The following UNC5D variants were observed in gnomAD, a reference collection of about 807,000 sequenced individuals.
The protein encoded by UNC5D is netrin receptor UNC5D.
In UNC5D, 39 loss-of-function variants were observed where a neutral mutation model predicts 105.4. That is an observed-to-expected ratio of 0.37 (90% CI 0.29 to 0.48). UNC5D has a LOEUF of 0.48. Among genes scored for constraint, UNC5D ranks in the 20% least tolerant of loss-of-function variants. UNC5D has a pLI of 0.98. For synonymous variants in UNC5D, 452 were observed against 450.4 expected (o/e 1.00, Z -0.04); for missense variants, 991 against 1,202.4 (o/e 0.82, Z 2.60).
rs192798506 is a variant in UNC5D, at chr8:35,671,746, C to A, written c.571-11801C>A. On this transcript the variant is annotated intron_variant, in intron 4 of 16. Coordinates refer to ENST00000404895, the MANE Select transcript of UNC5D (RefSeq NM_080872.4). ...TTTGTGTCTGTCAGCTGAGGGGAAA[C>A]TTGGATAGAGTGTCTAGTAATCAAA... Among the ~76,000 whole-genome samples the A allele has an allele frequency of 2.6e-5, 4 of 152,058 alleles. No individual in the cohort carries two copies. In the East Asian group the frequency reaches 5.8e-4, roughly 22 times the overall value.
chr8:35,659,052 T>C (rs915620836), intron 4 of UNC5D, among the ~76,000 whole-genome samples: 1 of 152,136 alleles, frequency 6.6e-6, no homozygotes, highest in African/African-American at 2.4e-5. Context: ...GCAATGAGAA[T>C]AGGAAGTGGA....
intron 1 of UNC5D, among the ~76,000 whole-genome samples, chr8:35,315,977 AG>A (rs1488658075): frequency 1.2e-4 from 19 of 152,332 alleles, no homozygotes; most frequent in African/African-American, 3.8e-4. Context: ...AATGATTATC[AG>A]AAGGCTGACA....
chr8:35,375,172 T>C (rs1467868465), intron 1 of UNC5D, among the ~76,000 whole-genome samples: 2 of 152,208 alleles, frequency 1.3e-5, no homozygotes, highest in Non-Finnish European at 2.9e-5. Context: ...TGTAGGTTCA[T>C]TCCATCTCTG....
intron 11 of UNC5D, among the ~76,000 whole-genome samples, chr8:35,742,242 A>C (rs149770270): frequency 1.2e-3 from 185 of 149,690 alleles, no homozygotes; most frequent in Middle Eastern, 3.4e-3. Context: ...TAGGAGAGAG[A>C]TCTGACTCCA....
chr8:35,690,710 C>T (rs142844524), intron 7 of UNC5D, among the ~76,000 whole-genome samples: 622 of 152,340 alleles, frequency 4.1e-3, no homozygotes, highest in African/African-American at 0.013. Context: ...CACTCTGAGG[C>T]TCTCACTGGT....
intron 4 of UNC5D, among the ~76,000 whole-genome samples, chr8:35,628,832 GC>G (rs1412434170): frequency 1.3e-5 from 2 of 152,100 alleles, no homozygotes; most frequent in Non-Finnish European, 2.9e-5. Context: ...CAACAGTGTG[GC>G]CCCTTCTAGA....
At position 35,790,710 on chromosome 8, in the gene UNC5D, T is replaced by C; in HGVS notation, c.*147T>C. ...ATTCCCCTGTTGAAGAAACTAAATT[T>C]TATATAGGTAAAACATGTTAATAGG... On this transcript the variant is annotated 3_prime_UTR_variant, in exon 17 of 17. Coordinates refer to ENST00000404895, the MANE Select transcript of UNC5D (RefSeq NM_080872.4). 1 of 791,116 alleles carries C rather than the reference T, an allele frequency of 1.3e-6. No homozygotes were observed. The highest frequency in any genetic ancestry group is 2.0e-6 in the Non-Finnish European group (1 of 495,286). The allele number at this position is 791,116 out of a possible 1,614,324, so 49.0% of individuals were successfully genotyped here. A position where few individuals can be genotyped will look rare whatever the true frequency, so the allele number is the denominator to read the frequency against.
At chr8:35,305,451 T>C (rs147937107) in intron 1 of UNC5D, among the ~76,000 whole-genome samples, 208 of 152,176 alleles carry the variant, frequency 1.4e-3, no homozygotes, top group African/African-American at 4.9e-3. Context: ...AAATCACCCC[T>C]CTGGAGGAAG....
chr8:35,305,629 T>TTTTC (rs1808328353), intron 1 of UNC5D, among the ~76,000 whole-genome samples: 1 of 129,434 alleles, frequency 7.7e-6, no homozygotes, highest in South Asian at 2.5e-4. Flanking sequence ...TTCTTTTTCT[T>TTTTC]TCTCTCTCTC....
chr8:35,482,279 T>G (rs1281978687), intron 1 of UNC5D, among the ~76,000 whole-genome samples: 1 of 152,188 alleles, frequency 6.6e-6, no homozygotes, highest in Non-Finnish European at 1.5e-5. Flanking sequence ...ATAAAGCATT[T>G]TATGCAGTAT....
chr8:35,509,813 C>A (rs1437038289), intron 1 of UNC5D, among the ~76,000 whole-genome samples: 5 of 152,068 alleles, frequency 3.3e-5, no homozygotes, highest in Non-Finnish European at 5.9e-5. Flanking sequence ...GTCTCCACTT[C>A]AGATGCCAAC....
At chr8:35,568,365 C>A in intron 3 of UNC5D, 124 bp downstream of exon 3, 1 of 1,302,748 alleles carries the variant, frequency 7.7e-7, no homozygotes, top group Non-Finnish European at 1.0e-6. Flanking sequence ...TAAATTTACT[C>A]TTCTAAAATG....
chr8:35,723,538 G>A (rs1485446377), intron 9 of UNC5D, among the ~76,000 whole-genome samples: 1 of 152,178 alleles, frequency 6.6e-6, no homozygotes, highest in East Asian at 1.9e-4. Flanking sequence ...TGGGACTACA[G>A]GCACATGCCA....
At chr8:35,505,600 G>A (rs1263945190) in intron 1 of UNC5D, among the ~76,000 whole-genome samples, 1 of 152,224 alleles carries the variant, frequency 6.6e-6, no homozygotes, top group Non-Finnish European at 1.5e-5. Context: ...TGGATACTAG[G>A]AGGGTGAGCA....
chr8:35,757,976 C>T lies in UNC5D; in HGVS notation c.2164-1344C>T, dbSNP rs189622802. Among the ~76,000 whole-genome samples, 9 of 152,318 alleles carry T rather than the reference C, an allele frequency of 5.9e-5. No homozygotes were observed. In the East Asian group the frequency reaches 1.7e-3, roughly 29 times the overall value. On this transcript the variant is annotated intron_variant, in intron 13 of 16. Coordinates refer to ENST00000404895, the MANE Select transcript of UNC5D (RefSeq NM_080872.4). ...TTCAGCTCCTTCATCACTCTAGCCA[C>T]ATTTCAAGTGCTAACAGCCACTTTA...
intron 1 of UNC5D, 36 bp downstream of exon 1, chr8:35,235,923 G>T (rs1022744340): frequency 8.1e-5 from 99 of 1,222,120 alleles, no homozygotes; most frequent in Non-Finnish European, 9.8e-5. Context: ...TGGGGGCGAG[G>T]GCGCAGGGGC....
intron 13 of UNC5D, among the ~76,000 whole-genome samples, chr8:35,754,166 C>G (rs539464687): frequency 7.2e-5 from 11 of 152,318 alleles, no homozygotes; most frequent in African/African-American, 2.6e-4. Context: ...GCTCTCCCAA[C>G]TTCTGTAGCG....
At chr8:35,681,790 T>C (rs993298407) in intron 4 of UNC5D, among the ~76,000 whole-genome samples, 1 of 152,204 alleles carries the variant, frequency 6.6e-6, no homozygotes, top group African/African-American at 2.4e-5. Flanking sequence ...CAAATTAACC[T>C]CTTCTAAAGT....
At chr8:35,591,915 T>C (rs890648211) in intron 3 of UNC5D, among the ~76,000 whole-genome samples, 35 of 152,218 alleles carry the variant, frequency 2.3e-4, no homozygotes, top group African/African-American at 8.4e-4. Context: ...GGTCTATCTA[T>C]AAATTGAGCA....
Sources: gnomAD v4.1 joint callset for allele counts (sites outside exome capture counted in the v4.1 genomes callset) on GRCh38, gnomAD v4.1.1 for gene constraint, MANE v1.5 for transcripts, NCBI Gene and HGNC (gene_info 2026-07-23, HGNC 2026-07-21) for gene names.